Variants in KMT5A observed in about 807,000 individuals in gnomAD.
The protein encoded by KMT5A is lysine methyltransferase 5A.
KMT5A carries 6 observed loss-of-function variants against 40.6 expected under a neutral mutation model. The ratio of observed to expected loss-of-function variants is 0.15; its 90% CI spans 0.08 to 0.29. The LOEUF (loss-of-function observed/expected upper bound fraction) is 0.29. KMT5A is among the 10% of genes least tolerant of loss of function. The probability of loss-of-function intolerance (pLI) is 1.00; values close to 1 mark genes in which losing one functional copy is unlikely to be tolerated. For synonymous variants in KMT5A, 153 were observed against 178.8 expected, an observed-to-expected ratio of 0.86 and a Z score of 1.15; for missense variants, 308 against 459.1, an observed-to-expected ratio of 0.67 and a Z score of 3.01.
chr12:123,385,726 C>T (rs1342833965), intron 1 of KMT5A, among the ~76,000 whole-genome samples: 3 of 152,062 alleles, frequency 2.0e-5, no homozygotes, highest in African/African-American at 7.2e-5. Context: ...CAGCGCATGC[C>T]TGTAATCCCA....
chr12:123,402,824 A>G (rs1233830887), intron 5 of KMT5A, among the ~76,000 whole-genome samples: 1 of 152,206 alleles, frequency 6.6e-6, no homozygotes, highest in African/African-American at 2.4e-5. Flanking sequence ...AGCGATCCCA[A>G]ACAGAAGTAT....
intron 1 of KMT5A, among the ~76,000 whole-genome samples, chr12:123,386,661 C>A (rs1340806949): frequency 2.6e-5 from 4 of 152,162 alleles, no homozygotes; most frequent in Non-Finnish European, 5.9e-5. Context: ...CCAGGCAACA[C>A]CTCACTCATT....
intron 5 of KMT5A, among the ~76,000 whole-genome samples, chr12:123,403,193 G>A (rs1049099417): frequency 6.6e-6 from 1 of 152,246 alleles, no homozygotes; most frequent in African/African-American, 2.4e-5. Context: ...GTGAGCCACC[G>A]CGCCTGGCCC....
intron 1 of KMT5A, among the ~76,000 whole-genome samples, chr12:123,387,892 C>T (rs751199843): frequency 2.0e-5 from 3 of 152,230 alleles, no homozygotes; most frequent in Non-Finnish European, 2.9e-5. Context: ...TCACAAAACA[C>T]CTCTGGGCAG....
intron 3 of KMT5A, among the ~76,000 whole-genome samples, chr12:123,391,858 T>C (rs935575474): frequency 1.3e-5 from 2 of 152,230 alleles, no homozygotes; most frequent in Non-Finnish European, 2.9e-5. Flanking sequence ...TGGGGCCGGA[T>C]CTGAGAACCA....
chr12:123,398,393 C>T (rs1209226562), intron 5 of KMT5A, among the ~76,000 whole-genome samples: 4 of 152,106 alleles, frequency 2.6e-5, no homozygotes, highest in African/African-American at 9.7e-5. Context: ...AGGGCCTCTG[C>T]TGAGCGTCCA....
Position 123,403,154 on chromosome 12 carries a change from C to T in KMT5A, c.598-419C>T, listed in dbSNP as rs142951879. Among the ~76,000 whole-genome samples the T allele has an allele frequency of 5.3e-3, 815 of 152,370 alleles. 4 individuals carry two copies. The highest frequency in any genetic ancestry group is 0.018 in the African/African-American group (749 of 41,588). On this transcript the variant is annotated intron_variant, in intron 5 of 7. Coordinates refer to ENST00000402868, the MANE Select transcript of KMT5A (RefSeq NM_020382.7). ...TCGTGACCTTACGATCCGCCCGCCT[C>T]GGCCTCCCGAAGTGTTGCGATTACA...
intron 3 of KMT5A, 22 bp downstream of exon 3, chr12:123,390,808 G>A: frequency 6.2e-7 from 1 of 1,612,672 alleles, no homozygotes; most frequent in South Asian, 1.1e-5. Context: ...AAATGGCCTC[G>A]TTCTGATCCC....
In KMT5A at chr12:123,408,497, T is replaced by C. The variant is rs1249436967; in HGVS notation, c.*794T>C. The C allele has an allele frequency of 6.9e-6, 1 of 145,854 alleles. No individual in the cohort carries two copies. The highest frequency in any genetic ancestry group is 1.5e-5 in the Non-Finnish European group (1 of 67,410). 9.0% of individuals were successfully genotyped at this position (145,854 alleles called of 1,614,324 possible). On this transcript the variant is annotated 3_prime_UTR_variant, in exon 8 of 8. Coordinates refer to ENST00000402868, the MANE Select transcript of KMT5A (RefSeq NM_020382.7). Reference sequence around the variant, plus strand: ...AAATAATAATAAAAATTTAAAAAAATTAAAAATAAAAAAAACCACAGAAAA... The same window carrying C: ...AAATAATAATAAAAATTTAAAAAAACTAAAAATAAAAAAAACCACAGAAAA...
intron 3 of KMT5A, among the ~76,000 whole-genome samples, chr12:123,393,801 C>G (rs951184954): frequency 1.1e-4 from 16 of 152,168 alleles, no homozygotes; most frequent in Non-Finnish European, 2.4e-4. Context: ...CCCAGCCCTT[C>G]ATTCCTTTTT....
Position 123,404,907 on chromosome 12 carries a change from C to T in KMT5A, c.681C>T (p.Gly227=), listed in dbSNP as rs112148765. The change falls in exon 7 of 8, where the codon GGC becomes GGT. Residue 227 remains glycine (G), a synonymous_variant. Transcript: ENST00000402868. The part of the protein sequence containing the change: ...GMKIDLIDGK[G]RGVIATKQFS... ...AGATTGACCTCATCGATGGCAAAGG[C>T]AGGGGTGTGATTGCCACCAAGCAGT... is the stretch of plus-strand genomic sequence containing the variant. 5.6e-6 allele frequency: 9 copies of T among 1,612,882 alleles called. No homozygotes were observed. Among genetic ancestry groups the T allele is most frequent in the Non-Finnish European group, 7.6e-6 (9 of 1,179,724 alleles).
intron 5 of KMT5A, among the ~76,000 whole-genome samples, chr12:123,399,530 C>T (rs1474140793): frequency 2.0e-5 from 3 of 152,190 alleles, no homozygotes; most frequent in Admixed American, 6.5e-5. Flanking sequence ...TTTACATGGG[C>T]CCCCGTACTT....
chr12:123,390,064 C>T (rs1319111113), intron 2 of KMT5A: 1 of 468,734 alleles, frequency 2.1e-6, no homozygotes, highest in South Asian at 1.5e-5. Context: ...GCTGTGGCTC[C>T]TGCTCTTCCC....
chr12:123,397,815 C>T (rs1023090465), intron 5 of KMT5A, among the ~76,000 whole-genome samples: 2 of 145,434 alleles, frequency 1.4e-5, no homozygotes, highest in African/African-American at 5.1e-5. Flanking sequence ...TACAGGCATT[C>T]GCCACCACGC....
Position 123,384,340 on chromosome 12 carries a change from G to T in KMT5A, c.10+132G>T, listed in dbSNP as rs185337409. 1,701 of 1,227,804 alleles carry T rather than the reference G, an allele frequency of 1.4e-3. 18 individuals are homozygous for T. The East Asian group carries it at 0.027, about 20-fold the overall frequency. 76.1% of individuals were successfully genotyped at this position (1,227,804 alleles called of 1,614,324 possible). ...TCGGGGCAAGCTTGGGGACCCGCGT[G>T]GGGGGAGAGGGGGTGCTGCTGCGGA... On this transcript the variant is annotated intron_variant, in intron 1 of 7. Transcript: ENST00000402868. The surrounding 1 kb of genome is among the most constrained non-coding windows in gnomAD (Gnocchi z 5.7).
intron 3 of KMT5A, among the ~76,000 whole-genome samples, chr12:123,393,265 T>A (rs1192993831): frequency 1.3e-5 from 2 of 152,134 alleles, no homozygotes; most frequent in Admixed American, 1.3e-4. Context: ...GTCGGTGGTT[T>A]TTAGTATATT....
chr12:123,403,765 G>T (rs1878347683), intron 6 of KMT5A, 133 bp downstream of exon 6: 4 of 911,572 alleles, frequency 4.4e-6, no homozygotes, highest in Non-Finnish European at 6.8e-6. Flanking sequence ...GACTCTATTA[G>T]GTTGTCAAAG....
At position 123,395,266 on chromosome 12, in the gene KMT5A, A is replaced by C. The variant is rs1877626284; in HGVS notation, c.509A>C (p.Lys170Thr). 6.2e-7 allele frequency: 1 copy of C among 1,612,686 alleles called. No homozygotes were observed. Among genetic ancestry groups the C allele is most frequent in the Non-Finnish European group, 8.5e-7 (1 of 1,179,478 alleles). ...AAGGGCAAACAGGCCCCCCGAAAAA[A>C]GTAAGTGCCCCATTCAGTCCTCTTC... ...PIKGKQAPRK[K>T]AQGKTQQNRK... Residue 170 changes from lysine to threonine, a missense_variant and splice_region_variant, in exon 4 of 8, where the codon AAA (lysine) becomes ACA (threonine). Physicochemically the swap from Lys to Thr is moderately conservative, Grantham distance 78. Around this residue, in one of 4 missense-constraint regions of KMT5A, gnomAD observed 127 missense variants for 129.8 expected, o/e 0.98. Transcript: ENST00000402868.
intron 3 of KMT5A, chr12:123,391,048 C>G: frequency 2.3e-6 from 1 of 435,098 alleles, no homozygotes; most frequent in South Asian, 2.5e-5. Context: ...AAATAACATA[C>G]CTGACCCACA....
Sources: gnomAD v4.1 joint callset for allele counts (sites outside exome capture counted in the v4.1 genomes callset) on GRCh38, gnomAD v4.1.1 for gene constraint, gnomAD v4.1.1 regional missense constraint, Gnocchi (gnomAD v3.1) non-coding constraint, MANE v1.5 for transcripts, NCBI Gene and HGNC (gene_info 2026-07-23, HGNC 2026-07-21) for gene names.